The following PDE4B variants were observed in gnomAD, a reference collection of about 807,000 sequenced individuals.
PDE4B encodes phosphodiesterase 4B.
PDE4B carries 20 observed loss-of-function variants against 82.2 expected under a neutral mutation model. The ratio of observed to expected loss-of-function variants is 0.24; its 90% confidence interval spans 0.17 to 0.35. The LOEUF is 0.35. Ranked by LOEUF, PDE4B falls within the 10% of genes least tolerant of loss-of-function variation. PDE4B has a pLI of 1.00. For missense variants in PDE4B, 655 were observed against 907.2 expected (o/e 0.72, Z 3.57); for synonymous variants, 320 against 318.9 (o/e 1.00, Z -0.04).
chr1:65,900,555 ATT>A (rs1427314678), intron 1 of PDE4B, among the ~76,000 whole-genome samples: 1 of 152,064 alleles, frequency 6.6e-6, no homozygotes, highest in Admixed American at 6.6e-5. Flanking sequence ...CATTATGGGC[ATT>A]TTAATGATAG....
At position 66,043,655 on chromosome 1, in the gene PDE4B, CAA is replaced by C. The variant is rs573013148; in HGVS notation, c.281+124822_281+124823del. Among the ~76,000 whole-genome samples the C allele has an allele frequency of 2.0e-4, 31 of 151,794 alleles. No homozygotes were observed. In the South Asian group the frequency reaches 4.8e-3, roughly 23 times the overall value. On this transcript the variant is annotated intron_variant, in intron 3 of 16. Coordinates refer to ENST00000341517, the MANE Select transcript of PDE4B (RefSeq NM_002600.4). The stretch of plus-strand genomic sequence containing the variant: ...CAAAGACCAACGAAACCATGAAAGT[CAA>C]ACTTATGCAAACTAATTTCTAATGG...
chr1:66,272,779 CTTTTTTTT>C (rs869201227), intron 7 of PDE4B, among the ~76,000 whole-genome samples: 10 of 61,670 alleles, frequency 1.6e-4, no homozygotes, highest in Admixed American at 1.5e-3. Context: ...TACTAGAATT[CTTTTTTTT>C]TTTTTTTTTT....
chr1:65,832,499 G>A (rs1385596534), intron 1 of PDE4B, among the ~76,000 whole-genome samples: 1 of 152,184 alleles, frequency 6.6e-6, no homozygotes, highest in Non-Finnish European at 1.5e-5. Context: ...GGGAAGGCAA[G>A]ACTGAGAGTT....
chr1:66,097,023 G>C (rs1354019144), intron 3 of PDE4B, among the ~76,000 whole-genome samples: 1 of 151,910 alleles, frequency 6.6e-6, no homozygotes, highest in Non-Finnish European at 1.5e-5. Flanking sequence ...CATTTGGGTT[G>C]TTTCCAGTTT....
chr1:66,304,679 C>G (rs934211279), intron 7 of PDE4B, among the ~76,000 whole-genome samples: 2 of 152,142 alleles, frequency 1.3e-5, no homozygotes, highest in African/African-American at 4.8e-5. Context: ...ACAATAAACA[C>G]AGTGCTCCTC....
At chr1:65,924,394 A>G (rs998036312) in intron 3 of PDE4B, among the ~76,000 whole-genome samples, 1 of 151,220 alleles carries the variant, frequency 6.6e-6, no homozygotes, top group African/African-American at 2.4e-5. Context: ...TTTTCAAACT[A>G]TGTCTCATTT....
intron 1 of PDE4B, among the ~76,000 whole-genome samples, chr1:65,845,134 C>A (rs1182211173): frequency 1.3e-5 from 2 of 152,164 alleles, no homozygotes; most frequent in Non-Finnish European, 2.9e-5. Context: ...GACAATTTTT[C>A]ATTCTCTGGA....
intron 3 of PDE4B, among the ~76,000 whole-genome samples, chr1:66,103,910 C>T (rs918706536): frequency 2.0e-5 from 3 of 151,762 alleles, no homozygotes; most frequent in Admixed American, 6.6e-5. Context: ...AAATTAAGAT[C>T]GAGAGGCATT....
chr1:66,204,387 C>T (rs919587737), intron 3 of PDE4B, among the ~76,000 whole-genome samples: 8 of 152,228 alleles, frequency 5.3e-5, no homozygotes, highest in African/African-American at 9.7e-5. Flanking sequence ...CAGACAGGGA[C>T]GTTTAAGTTT....
intron 3 of PDE4B, among the ~76,000 whole-genome samples, chr1:65,995,385 T>C (rs1174118342): frequency 1.3e-5 from 2 of 152,220 alleles, no homozygotes; most frequent in Admixed American, 1.3e-4. Flanking sequence ...TCTTACATAT[T>C]TTTATGACTT....
intron 3 of PDE4B, among the ~76,000 whole-genome samples, chr1:65,977,325 C>T (rs1243071230): frequency 6.6e-6 from 1 of 152,092 alleles, no homozygotes; most frequent in African/African-American, 2.4e-5. Context: ...TCAAGTGATG[C>T]CTTTGGTGCC....
chr1:66,335,466 T>C (rs1660450049), intron 8 of PDE4B, among the ~76,000 whole-genome samples: 1 of 152,232 alleles, frequency 6.6e-6, no homozygotes, highest in African/African-American at 2.4e-5. Context: ...TTGTGCTTTT[T>C]TAGTTTGTTT....
intron 1 of PDE4B, among the ~76,000 whole-genome samples, chr1:65,794,820 T>G (rs1052170375): frequency 3.9e-5 from 6 of 152,246 alleles, no homozygotes; most frequent in African/African-American, 1.2e-4. Flanking sequence ...GCTGTTTATC[T>G]ATATATCTAT....
chr1:66,143,578 C>T (rs921818851), intron 3 of PDE4B, among the ~76,000 whole-genome samples: 35 of 152,326 alleles, frequency 2.3e-4, no homozygotes, highest in African/African-American at 8.2e-4. Context: ...ATAGCAGACA[C>T]TGCTGGGCAT....
intron 3 of PDE4B, among the ~76,000 whole-genome samples, chr1:65,981,153 C>T (rs1489196962): frequency 6.6e-6 from 1 of 152,004 alleles, no homozygotes; most frequent in East Asian, 1.9e-4. Flanking sequence ...GATATTTCTA[C>T]CTATAATACT....
chr1:66,123,579 T>G (rs1171796014), intron 3 of PDE4B, among the ~76,000 whole-genome samples: 1 of 150,592 alleles, frequency 6.6e-6, no homozygotes, highest in African/African-American at 2.4e-5. Flanking sequence ...ATTCTTTTAT[T>G]TGTCTTTTTT....
chr1:66,189,467 C>G (rs1647532203), intron 3 of PDE4B, among the ~76,000 whole-genome samples: 1 of 152,220 alleles, frequency 6.6e-6, no homozygotes, highest in Admixed American at 6.5e-5. Context: ...CTTTCAGGTA[C>G]ACCAATCAGA....
chr1:66,154,942 C>T (rs1646473766), intron 3 of PDE4B, among the ~76,000 whole-genome samples: 1 of 152,070 alleles, frequency 6.6e-6, no homozygotes, highest in South Asian at 2.1e-4. Context: ...CTTTGGGAGG[C>T]TGAGGCGCGA....
chr1:65,888,971 A>G (rs1347023594), intron 1 of PDE4B, among the ~76,000 whole-genome samples: 1 of 152,092 alleles, frequency 6.6e-6, no homozygotes, highest in African/African-American at 2.4e-5. Context: ...TTCCAATACT[A>G]TGTTGAATAG....
Sources: allele counts gnomAD v4.1 joint callset (sites outside exome capture counted in the v4.1 genomes callset), GRCh38; gene constraint gnomAD v4.1.1; transcripts MANE v1.5; gene names NCBI Gene and HGNC (gene_info 2026-07-23, HGNC 2026-07-21).